METTL16: variants seen among roughly 807,000 people sequenced by gnomAD.
METTL16 encodes the protein methyltransferase 16, RNA N6-adenosine.
Under a neutral mutation model 57.9 loss-of-function variants are expected in METTL16, and 19 were observed. The observed-to-expected ratio is 0.33, with a 90% CI of 0.23 to 0.48. The LOEUF is 0.48. METTL16 is among the 20% of genes least tolerant of loss of function. The probability of loss-of-function intolerance (pLI) is 0.99; values close to 1 mark genes in which losing one functional copy is unlikely to be tolerated. For synonymous variants in METTL16, 246 were observed against 255.6 expected, an observed-to-expected ratio of 0.96 and a Z score of 0.36; for missense variants, 434 against 691.5, an observed-to-expected ratio of 0.63 and a Z score of 4.18.
At chr17:2,509,622 G>A (rs1032072585) in intron 1 of METTL16, among the ~76,000 whole-genome samples, 4 of 152,098 alleles carry the variant, frequency 2.6e-5, no homozygotes, top group Non-Finnish European at 5.9e-5. Context: ...GGGCACAGTC[G>A]CTCACGACTA....
At chr17:2,487,435 C>T (rs1567902528) in intron 2 of METTL16, among the ~76,000 whole-genome samples, 1 of 152,206 alleles carries the variant, frequency 6.6e-6, no homozygotes, top group Admixed American at 6.5e-5. Flanking sequence ...TTGAAAACTC[C>T]TTTAATAGCT....
At chr17:2,440,226 C>T (rs935032743) in intron 7 of METTL16, among the ~76,000 whole-genome samples, 1 of 152,020 alleles carries the variant, frequency 6.6e-6, no homozygotes, top group Non-Finnish European at 1.5e-5. Flanking sequence ...AACCACACTA[C>T]AGTCTGGTTG....
chr17:2,448,795 T>TAAAAAAAAAAAAAAAAAAAAAAAAAAAAA (rs2067042339), intron 6 of METTL16, among the ~76,000 whole-genome samples: 1 of 36,826 alleles, frequency 2.7e-5, no homozygotes, highest in Non-Finnish European at 5.0e-5. Context: ...AAAATAAAAA[T>TAAAAAAAAAAAAAAAAAAAAAAAAAAAAA]AAAATTTAAA....
rs192173116 is a variant in METTL16, at chr17:2,480,663, T to C, written c.129-2778A>G. ...AAAACAGGACATGCTGAAAGGAAGA[T>C]AGAAACAAATCAGAAGTACACTAGA... On this transcript the variant is annotated intron_variant, in intron 2 of 9. Transcript: ENST00000263092. Among the ~76,000 whole-genome samples the C allele has an allele frequency of 7.6e-4, 116 of 152,258 alleles. 1 individual carries two copies. Among genetic ancestry groups the C allele is most frequent in the East Asian group, 1.4e-3 (7 of 5,180 alleles).
At chr17:2,441,983 C>T (rs934137717) in intron 6 of METTL16, among the ~76,000 whole-genome samples, 2 of 152,048 alleles carry the variant, frequency 1.3e-5, no homozygotes, top group Admixed American at 6.6e-5. Context: ...CTCATCTGCA[C>T]GTAATTTAAG....
At chr17:2,456,114 C>A (rs564527069) in intron 6 of METTL16, among the ~76,000 whole-genome samples, 1 of 152,218 alleles carries the variant, frequency 6.6e-6, no homozygotes, top group South Asian at 2.1e-4. Context: ...CCCTGTGGAG[C>A]TCACAACTGG....
At chr17:2,452,497 GA>G (rs920820193) in intron 6 of METTL16, among the ~76,000 whole-genome samples, 8 of 149,994 alleles carry the variant, frequency 5.3e-5, no homozygotes, top group East Asian at 1.9e-4. Flanking sequence ...AATGCAAGTG[GA>G]AAAAAAAATG....
chr17:2,476,428 G>T (rs2067268805), intron 3 of METTL16, among the ~76,000 whole-genome samples: 1 of 152,102 alleles, frequency 6.6e-6, no homozygotes, highest in Non-Finnish European at 1.5e-5. Flanking sequence ...AGTATCTAGT[G>T]GTCAGCTACA....
At chr17:2,505,165 T>C (rs946165262) in intron 1 of METTL16, among the ~76,000 whole-genome samples, 2 of 151,870 alleles carry the variant, frequency 1.3e-5, no homozygotes, top group Admixed American at 1.3e-4. Flanking sequence ...CTATTATATA[T>C]ATATATATCT....
At chr17:2,428,238 G>A (rs1447906056) in intron 8 of METTL16, among the ~76,000 whole-genome samples, 1 of 151,802 alleles carries the variant, frequency 6.6e-6, no homozygotes, top group Non-Finnish European at 1.5e-5. Context: ...CAGATCTCCT[G>A]GGAGAAATGG....
At chr17:2,502,179 C>G in intron 2 of METTL16, 25 bp downstream of exon 2, 1 of 1,608,286 alleles carries the variant, frequency 6.2e-7, no homozygotes, top group Non-Finnish European at 8.5e-7. Flanking sequence ...ACAAGAATAA[C>G]AGTGATTTTT....
chr17:2,424,039 GGTCA>G (rs2151684279), intron 8 of METTL16: 2 of 151,780 alleles, frequency 1.3e-5, no homozygotes, highest in South Asian at 4.2e-4. Flanking sequence ...CATATACAAT[GGTCA>G]GTCAACAAAC....
rs2066731911 is a variant in METTL16, at chr17:2,417,847, C to G, written c.*2123G>C. The stretch of plus-strand genomic sequence containing the variant: ...CATGTGCCACTCTTTCATAATGAAA[C>G]AAGCAAACAATAAGTACTTACTACT... On this transcript the variant is annotated 3_prime_UTR_variant, in exon 10 of 10. Coordinates refer to ENST00000263092, the MANE Select transcript of METTL16 (RefSeq NM_024086.4). 3 of 152,158 alleles carry G rather than the reference C, an allele frequency of 2.0e-5. No homozygotes were observed. The highest frequency in any genetic ancestry group is 1.3e-4 in the Admixed American group (2 of 15,274). The allele number at this position is 152,158 out of a possible 1,614,324, so 9.4% of individuals were successfully genotyped here.
chr17:2,485,589 T>G (rs1335673525), intron 2 of METTL16, among the ~76,000 whole-genome samples: 13 of 152,200 alleles, frequency 8.5e-5, no homozygotes, highest in Admixed American at 8.5e-4. Context: ...AATGTTTATT[T>G]TGAGCACTAC....
At chr17:2,495,255 G>A (rs561469302) in intron 2 of METTL16, among the ~76,000 whole-genome samples, 27 of 151,896 alleles carry the variant, frequency 1.8e-4, no homozygotes, top group South Asian at 4.2e-4. Context: ...ACCTGAGCCC[G>A]GGGAGGTTGA....
intron 6 of METTL16, among the ~76,000 whole-genome samples, chr17:2,461,347 A>G (rs985645012): frequency 3.9e-5 from 6 of 152,166 alleles, no homozygotes; most frequent in Non-Finnish European, 8.8e-5. Context: ...CCTGGGTGAC[A>G]GAGTGAGACT....
chr17:2,444,712 CA>C (rs2066981457), intron 6 of METTL16, among the ~76,000 whole-genome samples: 1 of 149,296 alleles, frequency 6.7e-6, no homozygotes, highest in Admixed American at 6.7e-5. Flanking sequence ...ACAGATGGAC[CA>C]TTTTTTTTTT....
intron 1 of METTL16, among the ~76,000 whole-genome samples, chr17:2,510,994 A>C (rs903369882): frequency 6.6e-6 from 1 of 152,074 alleles, no homozygotes; most frequent in Non-Finnish European, 1.5e-5. Context: ...TGTCTTGTTC[A>C]CCGCATATCC....
rs778818177 is a variant in METTL16, at chr17:2,426,728, CAAAAAAAAAAAAA to C, written c.889-5837_889-5825del. On this transcript the variant is annotated intron_variant, in intron 8 of 9. Transcript: ENST00000263092. ...TGGGTGACAGAGCAAGACTCCGTCT[CAAAAAAAAAAAAA>C]AAAAAAAAAAAGTAAAAATAGCAAG... 4.6e-4 allele frequency among the ~76,000 whole-genome samples: 16 copies of C among 35,150 alleles called. No individual in the cohort carries two copies. The South Asian group carries it at 0.013, about 28-fold the overall frequency. The allele number at this position is 35,150 out of a possible 152,430, so 23.1% of individuals were successfully genotyped here.
Sources: gnomAD v4.1 joint callset for allele counts (sites outside exome capture counted in the v4.1 genomes callset) on GRCh38, gnomAD v4.1.1 for gene constraint, MANE v1.5 for transcripts, NCBI Gene and HGNC (gene_info 2026-07-23, HGNC 2026-07-21) for gene names.